C21orf91: variants seen among roughly 807,000 people sequenced by gnomAD.
The protein encoded by C21orf91 is protein EURL homolog.
In C21orf91, 26 loss-of-function variants were observed where a neutral mutation model predicts 32.9. The ratio of observed to expected loss-of-function variants is 0.79; its 90% CI spans 0.58 to 1.10. C21orf91 has a LOEUF of 1.10. Ranked by LOEUF, C21orf91 falls within the 50% of genes least tolerant of loss-of-function variation. The pLI is 0.00. For missense variants in C21orf91, 310 were observed against 341.3 expected (o/e 0.91, Z 0.72); for synonymous variants, 126 against 120.4 (o/e 1.05, Z -0.31).
intron 2 of C21orf91, among the ~76,000 whole-genome samples, chr21:17,801,917 G>A (rs1305867580): frequency 6.6e-6 from 1 of 150,704 alleles, no homozygotes; most frequent in Non-Finnish European, 1.5e-5. Context: ...ATGAATAGTA[G>A]TATTTTAAAA....
intron 3 of C21orf91, 23 bp from the exon 4 acceptor site, chr21:17,795,293 C>T (rs760025305): frequency 6.6e-7 from 1 of 1,526,276 alleles, no homozygotes; most frequent in Non-Finnish European, 9.1e-7. Flanking sequence ...AATGTATTCA[C>T]TATTACCACA....
At chr21:17,816,828 A>G (rs571062215) in intron 2 of C21orf91, among the ~76,000 whole-genome samples, 3 of 152,356 alleles carry the variant, frequency 2.0e-5, no homozygotes, top group South Asian at 2.1e-4. Context: ...GGTTTGGACT[A>G]GATAATTTCT....
chr21:17,815,666 T>A (rs774423012), intron 2 of C21orf91, among the ~76,000 whole-genome samples: 1 of 148,590 alleles, frequency 6.7e-6, no homozygotes, highest in Non-Finnish European at 1.5e-5. Context: ...CTAAAATAAT[T>A]TTTTTTTTTT....
rs1313688137 is a variant in C21orf91, at chr21:17,792,959, T to C, written c.*456A>G. On this transcript the variant is annotated 3_prime_UTR_variant, in exon 5 of 5. Coordinates refer to ENST00000284881, the MANE Select transcript of C21orf91 (RefSeq NM_001100420.2). ...ACAGAACCACTCAAATACACATTTA[T>C]AAAGAGAATGGCAAAGTACCTAAAA... The C allele has an allele frequency of 1.3e-5, 2 of 152,524 alleles. No individual in the cohort carries two copies. Among genetic ancestry groups the C allele is most frequent in the Non-Finnish European group, 2.9e-5 (2 of 68,014 alleles). 9.4% of individuals were successfully genotyped at this position (152,524 alleles called of 1,614,324 possible). A position where few individuals can be genotyped will look rare whatever the true frequency, so the allele number is the denominator to read the frequency against.
chr21:17,811,450 T>G (rs529771573), intron 2 of C21orf91: 65 of 152,324 alleles, frequency 4.3e-4, no homozygotes, highest in African/African-American at 1.5e-3. Flanking sequence ...AAAGTAGAGA[T>G]AAATCTATCT....
rs113638629 is a variant in C21orf91, at chr21:17,794,831, C to T, written c.727+377G>A. Among the ~76,000 whole-genome samples, 374 of 152,044 alleles carry T rather than the reference C, an allele frequency of 2.5e-3. 10 individuals carry two copies. In the East Asian group the frequency reaches 0.068, roughly 28 times the overall value. ...CCTGTAATGCCAGCTCTTTGGGAGG[C>T]TGAGGCAGGAGGACTGTTTGAGCCC... is the stretch of plus-strand genomic sequence containing the variant. On this transcript the variant is annotated intron_variant, in intron 4 of 4. Transcript: ENST00000284881.
At chr21:17,811,168 T>C (rs192410751) in intron 2 of C21orf91, among the ~76,000 whole-genome samples, 2 of 152,322 alleles carry the variant, frequency 1.3e-5, no homozygotes, top group South Asian at 2.1e-4. Flanking sequence ...TCAGAGACCC[T>C]TGGTCTCTAA....
rs779616662 is a variant in C21orf91, at chr21:17,793,459, C to T, written c.850G>A (p.Val284Ile). The change falls in exon 5 of 5, where the codon GTA becomes ATA. Residue 284 changes from valine to isoleucine, a missense_variant. Transcript: ENST00000284881. ...KNCSKLPCLQ[V>I]GRTGMKSHLP... ...TGCGACTTCATTCCTGTTCGCCCTA[C>T]TTGCAGACATGGTAACTTAGAACAG... 2.2e-5 allele frequency: 36 copies of T among 1,613,148 alleles called. No homozygotes were observed. Among genetic ancestry groups the T allele is most frequent in the Non-Finnish European group, 3.0e-5 (35 of 1,179,436 alleles).
In C21orf91 at chr21:17,790,406, G is replaced by A. The variant is rs181773685; in HGVS notation, c.*3009C>T. Reference sequence around the variant, plus strand: ...TAAAGAAAACACAAAACCATTTTCAGTCATAAATATAGTAAAATGAAAAAC... The same window carrying A: ...TAAAGAAAACACAAAACCATTTTCAATCATAAATATAGTAAAATGAAAAAC... On this transcript the variant is annotated 3_prime_UTR_variant, in exon 5 of 5. Transcript: ENST00000284881. The A allele has an allele frequency of 2.6e-5, 4 of 152,138 alleles. No individual in the cohort carries two copies. The highest frequency in any genetic ancestry group is 9.6e-5 in the African/African-American group (4 of 41,532). 9.4% of individuals were successfully genotyped at this position (152,138 alleles called of 1,614,324 possible). A position where few individuals can be genotyped will look rare whatever the true frequency, so the allele number is the denominator to read the frequency against.
At chr21:17,810,689 G>C (rs377146090) in intron 2 of C21orf91, 19 of 152,334 alleles carry the variant, frequency 1.2e-4, no homozygotes, top group African/African-American at 3.1e-4. Context: ...GAAGAACAGA[G>C]AGCAGTGTTA....
At chr21:17,805,454 C>T (rs1337440740) in intron 2 of C21orf91, among the ~76,000 whole-genome samples, 1 of 152,164 alleles carries the variant, frequency 6.6e-6, no homozygotes, top group Non-Finnish European at 1.5e-5. Context: ...GCCAGGATTA[C>T]AGGCGCCTAC....
intron 2 of C21orf91, among the ~76,000 whole-genome samples, chr21:17,806,302 C>G (rs911689834): frequency 6.6e-6 from 1 of 151,896 alleles, no homozygotes; most frequent in African/African-American, 2.4e-5. Context: ...TTAGAGGGCA[C>G]GAAGAATAGT....
intron 1 of C21orf91, chr21:17,818,796 G>T (rs1367333282): frequency 1.3e-5 from 2 of 152,648 alleles, no homozygotes; most frequent in African/African-American, 4.8e-5. Flanking sequence ...CGAACTCGGA[G>T]TTGCGAAGCT....
intron 2 of C21orf91, among the ~76,000 whole-genome samples, chr21:17,801,491 C>G (rs577863909): frequency 1.4e-4 from 22 of 152,012 alleles, no homozygotes; most frequent in Non-Finnish European, 2.8e-4. Flanking sequence ...AGGATGGTCT[C>G]GATCTCCTGA....
At chr21:17,813,277 T>C (rs1291587259) in intron 2 of C21orf91, among the ~76,000 whole-genome samples, 2 of 152,136 alleles carry the variant, frequency 1.3e-5, no homozygotes, top group African/African-American at 2.4e-5. Flanking sequence ...CTTCGAGTAA[T>C]AAACAACCAG....
Position 17,797,075 on chromosome 21 carries a change from G to A in C21orf91, c.171C>T (p.Gly57=), listed in dbSNP as rs1363126212. ...SDLLHTKSLR[G]HKDCFEKYHL... is the part of the protein sequence containing the mutation. ...GGTATTTTTCAAAGCAGTCTTTATG[G>A]CCCCTTAATGATTTGGTGTGCAAGA... The change falls in exon 3 of 5, where the codon GGC becomes GGT. Residue 57 remains glycine (G), a synonymous_variant. Coordinates refer to ENST00000284881, the MANE Select transcript of C21orf91 (RefSeq NM_001100420.2). The A allele has an allele frequency of 6.2e-7, 1 of 1,608,214 alleles. No individual in the cohort carries two copies. The highest frequency in any genetic ancestry group is 2.2e-5 in the East Asian group (1 of 44,824).
At chr21:17,800,359 A>G (rs1600878905) in intron 2 of C21orf91, among the ~76,000 whole-genome samples, 1 of 152,222 alleles carries the variant, frequency 6.6e-6, no homozygotes, top group East Asian at 1.9e-4. Flanking sequence ...ACTACTTCAT[A>G]TACTTGAAAA....
chr21:17,817,924 C>T (rs2062675368), intron 2 of C21orf91: 3 of 267,796 alleles, frequency 1.1e-5, no homozygotes, highest in Middle Eastern at 1.1e-3. Context: ...CCAGAAAACA[C>T]GTTTCCCAGT....
chr21:17,789,467 G>C lies in C21orf91; in HGVS notation c.*3948C>G, dbSNP rs1379391366. On this transcript the variant is annotated 3_prime_UTR_variant, in exon 5 of 5. Transcript: ENST00000284881. ...CAACTAATCTTTAAACCTTTTTTGG[G>C]AGAGGGCAATACTCATCTTCATGAA... 2 of 152,010 alleles carry C rather than the reference G, an allele frequency of 1.3e-5. No individual in the cohort carries two copies. Among genetic ancestry groups the C allele is most frequent in the Non-Finnish European group, 2.9e-5 (2 of 67,980 alleles). 9.4% of individuals were successfully genotyped at this position (152,010 alleles called of 1,614,324 possible).
Sources: allele counts gnomAD v4.1 joint callset (sites outside exome capture counted in the v4.1 genomes callset), GRCh38; gene constraint gnomAD v4.1.1; transcripts MANE v1.5; gene names NCBI Gene and HGNC (gene_info 2026-07-23, HGNC 2026-07-21).